SBF2: variants seen among roughly 807,000 people sequenced by gnomAD.
The protein encoded by SBF2 is myotubularin-related protein 13.
Under a neutral mutation model 225.2 loss-of-function variants are expected in SBF2, and 112 were observed. That is an observed-to-expected ratio of 0.50 (90% confidence interval 0.43 to 0.58). SBF2 has a LOEUF of 0.58. Ranked by LOEUF, SBF2 falls within the 20% of genes least tolerant of loss-of-function variation. The pLI, the probability that SBF2 is intolerant of heterozygous loss-of-function variation, is 0.00. For missense variants in SBF2, 1,996 were observed against 2,206.2 expected (o/e 0.90, Z 1.91); for synonymous variants, 763 against 773.3 (o/e 0.99, Z 0.22).
rs72851615 is a variant in SBF2, at chr11:10,281,668, C to T, written c.55+12347G>A. Among the ~76,000 whole-genome samples, 574 of 152,244 alleles carry T rather than the reference C, an allele frequency of 3.8e-3. 5 individuals carry two copies. The highest frequency in any genetic ancestry group is 8.0e-3 in the Admixed American group (122 of 15,290). Reference sequence around the variant, plus strand: ...CTTTATTCTTCTGTCTCTATGCCAACTTCTTGGGAACACCTACACAATTTC... The same window carrying T: ...CTTTATTCTTCTGTCTCTATGCCAATTTCTTGGGAACACCTACACAATTTC... On this transcript the variant is annotated intron_variant, in intron 1 of 39. Transcript: ENST00000256190.
intron 1 of SBF2, among the ~76,000 whole-genome samples, chr11:10,288,997 C>G (rs564748470): frequency 5.2e-4 from 79 of 152,306 alleles, no homozygotes; most frequent in African/African-American, 1.8e-3. Context: ...CCAGGCTTCT[C>G]GCTTCAAGGG....
intron 2 of SBF2, among the ~76,000 whole-genome samples, chr11:10,081,713 T>G (rs573254261): frequency 6.6e-6 from 1 of 150,758 alleles, no homozygotes; most frequent in South Asian, 2.1e-4. Context: ...TGAGCTGAGA[T>G]TGCGCCACTG....
In SBF2 at chr11:9,979,828, G is replaced by C. The variant is rs1403638392; in HGVS notation, c.1395+9669C>G. On this transcript the variant is annotated intron_variant, in intron 13 of 39. Transcript: ENST00000256190. ...AATTCATCTTTTTTTTTTTTTTTTT[G>C]AGACAGGGTCTTGCTCTGTTGCCCA... 5.6e-5 allele frequency among the ~76,000 whole-genome samples: 4 copies of C among 72,014 alleles called. No individual in the cohort carries two copies. In the East Asian group the frequency reaches 1.8e-3, roughly 33 times the overall value. 47.2% of individuals were successfully genotyped at this position (72,014 alleles called of 152,430 possible).
intron 2 of SBF2, among the ~76,000 whole-genome samples, chr11:10,177,581 T>G (rs890412321): frequency 3.4e-5 from 5 of 148,430 alleles, no homozygotes; most frequent in African/African-American, 1.2e-4. Flanking sequence ...ATGAGTGAAC[T>G]CCCATTCACA....
At chr11:10,245,310 G>A (rs993332150) in intron 1 of SBF2, among the ~76,000 whole-genome samples, 3 of 150,022 alleles carry the variant, frequency 2.0e-5, no homozygotes, top group African/African-American at 4.9e-5. Context: ...TCAAGAACCC[G>A]AGTCAGGAGA....
At chr11:10,100,424 T>C (rs1436753896) in intron 2 of SBF2, among the ~76,000 whole-genome samples, 2 of 152,210 alleles carry the variant, frequency 1.3e-5, no homozygotes, top group African/African-American at 4.8e-5. Flanking sequence ...GCGGCCACAG[T>C]TGTCTTGGAC....
chr11:10,193,114 A>C (rs2135327018), intron 2 of SBF2, among the ~76,000 whole-genome samples: 1 of 152,288 alleles, frequency 6.6e-6, no homozygotes, highest in East Asian at 1.9e-4. Flanking sequence ...AAACAAAAGA[A>C]ATCTAATTTG....
chr11:9,882,549 C>CACT (rs1257795722), intron 17 of SBF2, among the ~76,000 whole-genome samples: 5 of 152,148 alleles, frequency 3.3e-5, no homozygotes, highest in Admixed American at 6.6e-5. Context: ...TGGCTCATGT[C>CACT]TGTAATCCCA....
intron 13 of SBF2, among the ~76,000 whole-genome samples, chr11:9,969,059 G>A (rs564095669): frequency 6.6e-6 from 1 of 152,258 alleles, no homozygotes; most frequent in African/African-American, 2.4e-5. Context: ...CCAGAATGCA[G>A]CTCTTAATCT....
intron 2 of SBF2, among the ~76,000 whole-genome samples, chr11:10,151,757 G>T (rs1351639215): frequency 6.6e-6 from 1 of 152,254 alleles, no homozygotes; most frequent in South Asian, 2.1e-4. Context: ...TACCACAGAA[G>T]AAATTTCTAG....
chr11:9,808,477 G>A (rs530805764), intron 31 of SBF2: 1 of 491,094 alleles, frequency 2.0e-6, no homozygotes, highest in East Asian at 4.0e-5. Context: ...AGAGGCCAGA[G>A]GATCAGTTAA....
At chr11:9,913,787 A>G (rs1237136430) in intron 16 of SBF2, among the ~76,000 whole-genome samples, 2 of 152,246 alleles carry the variant, frequency 1.3e-5, no homozygotes, top group Non-Finnish European at 2.9e-5. Flanking sequence ...TCACAGAACT[A>G]CAGAACGCTT....
intron 1 of SBF2, among the ~76,000 whole-genome samples, chr11:10,233,480 T>A (rs959793700): frequency 1.3e-5 from 2 of 152,076 alleles, no homozygotes; most frequent in African/African-American, 4.8e-5. Flanking sequence ...TACCACTGAT[T>A]TTTAAGATCT....
At chr11:10,187,252 T>C (rs190062447) in intron 2 of SBF2, among the ~76,000 whole-genome samples, 1 of 152,156 alleles carries the variant, frequency 6.6e-6, no homozygotes, top group East Asian at 1.9e-4. Flanking sequence ...CTGTAGGTGA[T>C]TTAATTATTC....
At chr11:10,196,866 A>ATATATATATATTTT in intron 1 of SBF2, among the ~76,000 whole-genome samples, 3 of 99,314 alleles carry the variant, frequency 3.0e-5, no homozygotes, top group African/African-American at 1.2e-4. Flanking sequence ...ATATATATAT[A>ATATATATATATTTT]TTTTTTTTTT....
chr11:10,245,496 A>C (rs946895627), intron 1 of SBF2, among the ~76,000 whole-genome samples: 1 of 152,206 alleles, frequency 6.6e-6, no homozygotes, highest in African/African-American at 2.4e-5. Context: ...AAAAAAGATA[A>C]GTAATGTTGG....
intron 2 of SBF2, among the ~76,000 whole-genome samples, chr11:10,043,239 G>A (rs1215455140): frequency 6.6e-6 from 1 of 152,086 alleles, no homozygotes; most frequent in Non-Finnish European, 1.5e-5. Flanking sequence ...GACCCAGGTA[G>A]GCCTATGTAG....
At chr11:9,895,917 C>T in intron 17 of SBF2, 26 bp downstream of exon 17, 1 of 1,523,992 alleles carries the variant, frequency 6.6e-7, no homozygotes, top group Non-Finnish European at 9.1e-7. Flanking sequence ...TCATAACAAG[C>T]TTATATATGG....
chr11:9,860,525 TTCA>T (rs1432187623), intron 17 of SBF2, among the ~76,000 whole-genome samples: 1 of 151,960 alleles, frequency 6.6e-6, no homozygotes, highest in Non-Finnish European at 1.5e-5. Context: ...GAGATGGGGT[TTCA>T]TCATATTTCC....
Sources: gnomAD v4.1 joint callset for allele counts (sites outside exome capture counted in the v4.1 genomes callset) on GRCh38, gnomAD v4.1.1 for gene constraint, MANE v1.5 for transcripts, NCBI Gene and HGNC (gene_info 2026-07-23, HGNC 2026-07-21) for gene names.